TRAPPC8: variants seen among roughly 807,000 people sequenced by gnomAD.
TRAPPC8 encodes the protein general sporulation gene 1 homolog.
A neutral mutation model predicts 174.3 loss-of-function variants in TRAPPC8; 54 were observed. The observed-to-expected ratio is 0.31, with a 90% CI of 0.25 to 0.39. The LOEUF (loss-of-function observed/expected upper bound fraction) is 0.39, where lower values mean the gene tolerates loss of function less well. TRAPPC8 is among the 10% of genes least tolerant of loss of function. The pLI is 1.00. For synonymous variants in TRAPPC8, 630 were observed against 579.9 expected, an observed-to-expected ratio of 1.09 and a Z score of -1.24; for missense variants, 1,531 against 1,699.1, an observed-to-expected ratio of 0.90 and a Z score of 1.74.
chr18:31,893,006 C>T (rs57059928), intron 11 of TRAPPC8, among the ~76,000 whole-genome samples: 2,312 of 146,452 alleles, frequency 0.016, 75 homozygotes, highest in African/African-American at 0.055. Context: ...GAACGAATGA[C>T]GCCTTGTCTC....
At position 31,830,502 on chromosome 18, in the gene TRAPPC8, G is replaced by A. The variant is rs1272354939; in HGVS notation, c.*253C>T. The A allele has an allele frequency of 9.2e-6, 4 of 433,154 alleles. No homozygotes were observed. The highest frequency in any genetic ancestry group is 6.1e-4 in the Middle Eastern group (1 of 1,634). 26.8% of individuals were successfully genotyped at this position (433,154 alleles called of 1,614,324 possible). A position where few individuals can be genotyped will look rare whatever the true frequency, so the allele number is the denominator to read the frequency against. ...TTTTCTTAAGATGGGGCTTAATAAGGTGCACAAATATGCTGATATCCTGTA... is the reference window on the plus strand; with the variant it reads ...TTTTCTTAAGATGGGGCTTAATAAGATGCACAAATATGCTGATATCCTGTA... On this transcript the variant is annotated 3_prime_UTR_variant, in exon 29 of 29. Coordinates refer to ENST00000283351, the MANE Select transcript of TRAPPC8 (RefSeq NM_014939.5).
At chr18:31,881,512 T>C (rs940035808) in intron 12 of TRAPPC8, among the ~76,000 whole-genome samples, 2 of 152,020 alleles carry the variant, frequency 1.3e-5, no homozygotes, top group African/African-American at 4.8e-5. Flanking sequence ...ATTAAAGACT[T>C]AAAGATAAGA....
At chr18:31,904,927 G>A (rs2036592854) in intron 9 of TRAPPC8, among the ~76,000 whole-genome samples, 1 of 151,982 alleles carries the variant, frequency 6.6e-6, no homozygotes, top group South Asian at 2.1e-4. Flanking sequence ...CTACTTGGGA[G>A]GCTGAGGCAG....
intron 9 of TRAPPC8, among the ~76,000 whole-genome samples, chr18:31,906,412 A>G (rs2036661346): frequency 6.6e-6 from 1 of 152,016 alleles, no homozygotes. Flanking sequence ...TTTAAGTTAC[A>G]TATTTTATAT....
At chr18:31,917,505 T>G (rs2037197816) in intron 3 of TRAPPC8, 73 bp downstream of exon 3, 2 of 1,395,262 alleles carry the variant, frequency 1.4e-6, no homozygotes, top group Admixed American at 2.2e-5. Context: ...CAATTTTGCC[T>G]TCATTAACTA....
chr18:31,890,031 A>C (rs1352145697), intron 12 of TRAPPC8, among the ~76,000 whole-genome samples: 4 of 152,224 alleles, frequency 2.6e-5, no homozygotes, highest in African/African-American at 9.6e-5. Flanking sequence ...ATAGATCAAA[A>C]GCTCCTTAAG....
chr18:31,909,575 T>A (rs1347430327), intron 6 of TRAPPC8, 92 bp downstream of exon 6: 6 of 1,477,088 alleles, frequency 4.1e-6, no homozygotes, highest in Non-Finnish European at 5.3e-6. Context: ...TATGAAAAAT[T>A]TCCCCCATCT....
Position 31,866,887 on chromosome 18 carries a change from G to C in TRAPPC8, c.2552C>G (p.Thr851Arg), listed in dbSNP as rs142295990. The C allele has an allele frequency of 3.2e-3, 5,194 of 1,613,594 alleles. 9 individuals carry two copies. The highest frequency in any genetic ancestry group is 4.1e-3 in the Non-Finnish European group (4,794 of 1,179,712). Residue 851 changes from threonine to arginine, a missense_variant, in exon 18 of 29, where the codon ACA (threonine) becomes AGA (arginine). By Grantham distance (71) the Thr-to-Arg change is moderately conservative. Transcript: ENST00000283351. ...YNLGTIQGSM[T>R]VDGIGALPGC... ...GGGAAGAGCACCAATGCCATCTACT[G>C]TCATAGAGCCCTGAATAGTGCCAAG... is the stretch of plus-strand genomic sequence containing the variant.
intron 19 of TRAPPC8, among the ~76,000 whole-genome samples, chr18:31,862,422 T>C (rs902990101): frequency 6.6e-6 from 1 of 151,998 alleles, no homozygotes; most frequent in South Asian, 2.1e-4. Flanking sequence ...GTAGACTGCA[T>C]CTAAAAGAGA....
At chr18:31,928,153 C>A (rs1290149305) in intron 2 of TRAPPC8, among the ~76,000 whole-genome samples, 2 of 147,464 alleles carry the variant, frequency 1.4e-5, no homozygotes, top group African/African-American at 2.5e-5. Flanking sequence ...GAGACTCCGA[C>A]TAAAAAAAAT....
At chr18:31,870,571 T>C in intron 15 of TRAPPC8, 69 bp from the exon 16 acceptor site, 2 of 1,498,662 alleles carry the variant, frequency 1.3e-6, no homozygotes, top group Non-Finnish European at 1.8e-6. Flanking sequence ...TTCGATCTTC[T>C]AAATGCATCT....
At chr18:31,852,960 CA>C in intron 22 of TRAPPC8, 1 of 304,412 alleles carries the variant, frequency 3.3e-6, no homozygotes, top group African/African-American at 2.2e-5. Flanking sequence ...CTGGAAAGCC[CA>C]TAATCCTGCC....
At position 31,935,364 on chromosome 18, in the gene TRAPPC8, C is replaced by CAAAAA. The variant is rs10646414; in HGVS notation, c.158-3846_158-3842dup. Among the ~76,000 whole-genome samples, 693 of 108,206 alleles carry CAAAAA rather than the reference C, an allele frequency of 6.4e-3. 95 individuals are homozygous for CAAAAA. The highest frequency in any genetic ancestry group is 0.038 in the South Asian group (125 of 3,314). 71.0% of individuals were successfully genotyped at this position (108,206 alleles called of 152,430 possible). On this transcript the variant is annotated intron_variant, in intron 1 of 28. Coordinates refer to ENST00000283351, the MANE Select transcript of TRAPPC8 (RefSeq NM_014939.5). ...CTCAAAAACAAACAAACAAACAAAC[C>CAAAAA]AAAAAAAAAACAGGCTTTATAAATA...
rs1158237092 is a variant in TRAPPC8 at position 31,913,340 on chromosome 18, G to A, written c.771+29C>T. On this transcript the variant is annotated intron_variant, in intron 5 of 28. Coordinates refer to ENST00000283351, the MANE Select transcript of TRAPPC8 (RefSeq NM_014939.5). Reference sequence around the variant, plus strand: ...GTAAAAACTGAAGTATCGTTTTTGTGGTTTGCTTCATTTATTTTTTACATA... The same window carrying A: ...GTAAAAACTGAAGTATCGTTTTTGTAGTTTGCTTCATTTATTTTTTACATA... 4 of 1,541,206 alleles carry A rather than the reference G, an allele frequency of 2.6e-6. No individual in the cohort carries two copies. In the Admixed American group the frequency reaches 9.1e-5, roughly 35 times the overall value.
At chr18:31,880,103 ATATATATATATATAT>A (rs1156255799) in intron 12 of TRAPPC8, among the ~76,000 whole-genome samples, 1 of 86,860 alleles carries the variant, frequency 1.2e-5, no homozygotes, top group Non-Finnish European at 2.4e-5. Flanking sequence ...ATATATATAT[ATATATATATATATAT>A]ATATTTTTTT....
intron 24 of TRAPPC8, among the ~76,000 whole-genome samples, 165 bp from the exon 25 acceptor site, chr18:31,849,904 A>G (rs1415962237): frequency 6.6e-6 from 1 of 152,156 alleles, no homozygotes; most frequent in Non-Finnish European, 1.5e-5. Flanking sequence ...ATGTAGTTGA[A>G]TACAGGGAGG....
intron 2 of TRAPPC8, among the ~76,000 whole-genome samples, chr18:31,925,737 T>C (rs1192834886): frequency 6.6e-6 from 1 of 152,170 alleles, no homozygotes; most frequent in Admixed American, 6.6e-5. Context: ...CAAAAACTTC[T>C]AACAGCTGGA....
chr18:31,912,761 G>A (rs1441817201), intron 5 of TRAPPC8, among the ~76,000 whole-genome samples: 1 of 152,170 alleles, frequency 6.6e-6, no homozygotes, highest in African/African-American at 2.4e-5. Flanking sequence ...AAACAGACAA[G>A]TCAGAAATTC....
intron 1 of TRAPPC8, among the ~76,000 whole-genome samples, chr18:31,937,163 G>A (rs566656008): frequency 1.3e-5 from 2 of 152,096 alleles, no homozygotes; most frequent in East Asian, 3.9e-4. Context: ...GCAGTGAGCT[G>A]AGACGCACCA....
Sources: gnomAD v4.1 joint callset for allele counts (sites outside exome capture counted in the v4.1 genomes callset) on GRCh38, gnomAD v4.1.1 for gene constraint, MANE v1.5 for transcripts, NCBI Gene and HGNC (gene_info 2026-07-23, HGNC 2026-07-21) for gene names.